The following MFSD8 variants were observed in gnomAD, a reference collection of about 807,000 sequenced individuals.
MFSD8 encodes the protein major facilitator superfamily domain-containing protein 8.
MFSD8 carries 55 observed loss-of-function variants against 66.4 expected under a neutral mutation model. That is an observed-to-expected ratio of 0.83 (90% confidence interval 0.67 to 1.04). MFSD8 has a LOEUF of 1.04. MFSD8 is among the 50% of genes least tolerant of loss of function. The pLI is 0.00. For missense variants in MFSD8, 550 were observed against 627.6 expected (o/e 0.88, Z 1.32); for synonymous variants, 202 against 212.8 (o/e 0.95, Z 0.44).
intron 1 of MFSD8, among the ~76,000 whole-genome samples, chr4:127,963,170 T>C (rs190907653): frequency 1.2e-3 from 190 of 152,346 alleles, no homozygotes; most frequent in Admixed American, 2.1e-3. Context: ...AGTCTTTCTT[T>C]GTACATTTGG....
intron 1 of MFSD8, among the ~76,000 whole-genome samples, chr4:127,960,551 A>G (rs1027033061): frequency 2.6e-5 from 4 of 152,128 alleles, no homozygotes; most frequent in African/African-American, 9.7e-5. Flanking sequence ...TAAATAAGAG[A>G]GAGAAAAGAA....
chr4:127,956,727 C>T (rs1342949258), intron 2 of MFSD8, among the ~76,000 whole-genome samples: 1 of 142,218 alleles, frequency 7.0e-6, no homozygotes, highest in African/African-American at 2.6e-5. Context: ...CTGGGGCAGG[C>T]GAATCGCTTG....
In MFSD8 at chr4:127,953,542, T is replaced by C. The variant is rs1398389696; in HGVS notation, c.155-3695A>G. On this transcript the variant is annotated intron_variant, in intron 2 of 11. Transcript: ENST00000641686. ...TTTCTGATATTTGCACAAGGCATTC[T>C]GTTTTTTTTTTTTTTTTTTTTTTTT... Among the ~76,000 whole-genome samples the C allele has an allele frequency of 4.9e-5, 7 of 142,468 alleles. No homozygotes were observed. The East Asian group carries it at 1.3e-3, about 26-fold the overall frequency. 93.5% of individuals were successfully genotyped at this position (142,468 alleles called of 152,430 possible).
At chr4:127,956,818 C>CAAAAAA (rs550327079) in intron 2 of MFSD8, among the ~76,000 whole-genome samples, 3 of 58,066 alleles carry the variant, frequency 5.2e-5, no homozygotes, top group Admixed American at 3.5e-4. Context: ...AACTCCGTCT[C>CAAAAAA]AAAAAAAAAA....
At chr4:127,950,234 A>C (rs1252038324) in intron 2 of MFSD8, among the ~76,000 whole-genome samples, 1 of 152,200 alleles carries the variant, frequency 6.6e-6, no homozygotes, top group Non-Finnish European at 1.5e-5. Context: ...TAATTGACTG[A>C]AGGGAAGAGC....
Position 127,930,784 on chromosome 4 carries a change from G to C in MFSD8, c.897C>G (p.Ala299=), listed in dbSNP as rs747352043. The C allele has an allele frequency of 3.7e-6, 6 of 1,611,762 alleles. No individual in the cohort carries two copies. In the South Asian group the frequency reaches 6.6e-5, roughly 18 times the overall value. The part of the protein sequence containing the change: ...IITPLTMDMY[A]WTQEQAVLYN... Reference sequence around the variant, plus strand: ...ATAACACAGCTTGTTCTTGAGTCCAGGCATACATATCCATTGTTAATGGAG... The same window carrying C: ...ATAACACAGCTTGTTCTTGAGTCCACGCATACATATCCATTGTTAATGGAG... The change falls in exon 9 of 12, where the codon GCC becomes GCG. Residue 299 remains alanine, a synonymous_variant. Transcript: ENST00000641686.
intron 9 of MFSD8, among the ~76,000 whole-genome samples, chr4:127,923,380 A>G (rs556625038): frequency 2.0e-5 from 3 of 151,990 alleles, no homozygotes; most frequent in Non-Finnish European, 4.4e-5. Flanking sequence ...ATATATTGAG[A>G]TAATCATGTG....
intron 6 of MFSD8, chr4:127,939,071 G>T (rs1739635073): frequency 5.8e-6 from 2 of 345,990 alleles, no homozygotes; most frequent in Non-Finnish European, 1.1e-5. Flanking sequence ...TCATCCTAAA[G>T]CATACATGAT....
At chr4:127,940,049 T>TA in intron 5 of MFSD8, 52 bp from the exon 6 acceptor site, 2 of 1,508,396 alleles carry the variant, frequency 1.3e-6, no homozygotes, top group Admixed American at 1.7e-5. Context: ...AAGCATAGGA[T>TA]AAAAAAATGA....
chr4:127,955,208 A>T (rs978289695), intron 2 of MFSD8, among the ~76,000 whole-genome samples: 10 of 152,332 alleles, frequency 6.6e-5, no homozygotes, highest in African/African-American at 2.4e-4. Context: ...TATTCACAAC[A>T]GCCAAGAGGT....
chr4:127,932,875 A>G, intron 8 of MFSD8, 110 bp downstream of exon 8: 1 of 877,652 alleles, frequency 1.1e-6, no homozygotes, highest in Non-Finnish European at 1.8e-6. Flanking sequence ...GGTAAGAAAA[A>G]TTTGCCTTAC....
At chr4:127,946,891 G>A (rs1289534551) in intron 3 of MFSD8, among the ~76,000 whole-genome samples, 1 of 151,232 alleles carries the variant, frequency 6.6e-6, no homozygotes, top group African/African-American at 2.4e-5. Flanking sequence ...CTCGAGCCTG[G>A]GTGACAGAGC....
intron 6 of MFSD8, 69 bp downstream of exon 6, chr4:127,939,784 T>G: frequency 6.7e-7 from 1 of 1,497,828 alleles, no homozygotes; most frequent in Non-Finnish European, 9.2e-7. Context: ...ATAATTATCT[T>G]CCAACAATTA....
chr4:127,949,429 A>T (rs1741584056), intron 3 of MFSD8, among the ~76,000 whole-genome samples: 2 of 152,216 alleles, frequency 1.3e-5, no homozygotes, highest in African/African-American at 4.8e-5. Context: ...GCGTTAAATT[A>T]TTCCACAAAA....
rs182654795 is a variant in MFSD8 at position 127,955,519 on chromosome 4, G to C, written c.154+1982C>G. 3.6e-4 allele frequency among the ~76,000 whole-genome samples: 50 copies of C among 139,590 alleles called. No individual in the cohort carries two copies. The East Asian group carries it at 9.4e-3, about 26-fold the overall frequency. The allele number at this position is 139,590 out of a possible 152,430, so 91.6% of individuals were successfully genotyped here. A position where few individuals can be genotyped will look rare whatever the true frequency, so the allele number is the denominator to read the frequency against. ...CACACCACTGCACTCCAGCTTGGAC[G>C]ACAGAGCGAGACTTTGTCTCAAAAA... On this transcript the variant is annotated intron_variant, in intron 2 of 11. Transcript: ENST00000641686.
intron 2 of MFSD8, among the ~76,000 whole-genome samples, chr4:127,955,864 A>G (rs1742765030): frequency 6.6e-6 from 1 of 152,214 alleles, no homozygotes; most frequent in African/African-American, 2.4e-5. Flanking sequence ...CACGCCTGTA[A>G]TCCCAGCACT....
Position 127,921,790 on chromosome 4 carries a change from T to C in MFSD8, c.1103-19A>G. 1 of 1,614,024 alleles carries C rather than the reference T, an allele frequency of 6.2e-7. No homozygotes were observed. The highest frequency in any genetic ancestry group is 8.5e-7 in the Non-Finnish European group (1 of 1,179,888). ...TGCAAATCTGTAAAAACAAAACCAT[T>C]GCAGTGCATTACTTGTTGATTTTAG... On this transcript the variant is annotated intron_variant, in intron 10 of 11. Transcript: ENST00000641686.
In MFSD8 at chr4:127,918,261, G is replaced by A. The variant is rs150664430; in HGVS notation, c.*2369C>T. 2 of 152,108 alleles carry A rather than the reference G, an allele frequency of 1.3e-5. No homozygotes were observed. Among genetic ancestry groups the A allele is most frequent in the Non-Finnish European group, 2.9e-5 (2 of 68,026 alleles). 9.4% of individuals were successfully genotyped at this position (152,108 alleles called of 1,614,324 possible). A position where few individuals can be genotyped will look rare whatever the true frequency, so the allele number is the denominator to read the frequency against. ...CTACTCAAGAAGACATCAACATGGT[G>A]ATTTTTTTTCCTCAAACTTTATCTC... is the stretch of plus-strand genomic sequence containing the variant. On this transcript the variant is annotated 3_prime_UTR_variant, in exon 12 of 12. Coordinates refer to ENST00000641686, the MANE Select transcript of MFSD8 (RefSeq NM_001371596.2).
Position 127,953,543 on chromosome 4 carries a change from GTTTTTTTTTTTT to G in MFSD8, c.155-3708_155-3697del, listed in dbSNP as rs952826538. Among the ~76,000 whole-genome samples the G allele has an allele frequency of 3.0e-4, 20 of 67,044 alleles. 1 individual carries two copies. The South Asian group carries it at 5.0e-3, about 17-fold the overall frequency. The allele number at this position is 67,044 out of a possible 152,430, so 44.0% of individuals were successfully genotyped here. A position where few individuals can be genotyped will look rare whatever the true frequency, so the allele number is the denominator to read the frequency against. ...TTCTGATATTTGCACAAGGCATTCT[GTTTTTTTTTTTT>G]TTTTTTTTTTTTTTTTGAGACGGAA... On this transcript the variant is annotated intron_variant, in intron 2 of 11. Transcript: ENST00000641686.
Sources: gnomAD v4.1 joint callset for allele counts (sites outside exome capture counted in the v4.1 genomes callset) on GRCh38, gnomAD v4.1.1 for gene constraint, MANE v1.5 for transcripts, NCBI Gene and HGNC (gene_info 2026-07-23, HGNC 2026-07-21) for gene names.